XRCC4: variants seen among roughly 807,000 people sequenced by gnomAD.
XRCC4 encodes X-ray repair cross complementing 4.
A neutral mutation model predicts 39.1 loss-of-function variants in XRCC4; 28 were observed. The ratio of observed to expected loss-of-function variants is 0.72; its 90% CI spans 0.53 to 0.98. The LOEUF is 0.98. Among genes scored for constraint, XRCC4 ranks in the 50% least tolerant of loss-of-function variants. The pLI is 0.00. For missense variants in XRCC4, 350 were observed against 376.4 expected, an observed-to-expected ratio of 0.93 and a Z score of 0.58; for synonymous variants, 123 against 126.4, an observed-to-expected ratio of 0.97 and a Z score of 0.18.
chr5:83,219,126 C>G (rs1751984950), intron 6 of XRCC4, among the ~76,000 whole-genome samples: 1 of 152,064 alleles, frequency 6.6e-6, no homozygotes, highest in African/African-American at 2.4e-5. Flanking sequence ...AATTTTCTTC[C>G]TTCTATACCT....
intron 1 of XRCC4, among the ~76,000 whole-genome samples, chr5:83,081,581 A>G (rs981594026): frequency 6.6e-6 from 1 of 152,234 alleles, no homozygotes; most frequent in Non-Finnish European, 1.5e-5. Context: ...AATCTCCTTG[A>G]CTAAAATAAC....
chr5:83,151,715 T>C (rs1748713067), intron 3 of XRCC4, among the ~76,000 whole-genome samples: 1 of 152,206 alleles, frequency 6.6e-6, no homozygotes, highest in Admixed American at 6.5e-5. Flanking sequence ...ATGTTCTGTG[T>C]GCACTAATAT....
intron 7 of XRCC4, among the ~76,000 whole-genome samples, chr5:83,331,831 A>C (rs1330826402): frequency 6.6e-6 from 1 of 152,136 alleles, no homozygotes; most frequent in African/African-American, 2.4e-5. Flanking sequence ...AAAAAATAAA[A>C]TAATCGCTTC....
chr5:83,229,949 A>T, intron 6 of XRCC4, among the ~76,000 whole-genome samples: 1 of 151,952 alleles, frequency 6.6e-6, no homozygotes, highest in East Asian at 1.9e-4. Context: ...GTGCTTCTAT[A>T]CTAGAATTAA....
intron 3 of XRCC4, among the ~76,000 whole-genome samples, chr5:83,188,622 G>A (rs913547793): frequency 3.3e-5 from 5 of 152,062 alleles, no homozygotes; most frequent in African/African-American, 4.8e-5. Context: ...TTCCAATCAC[G>A]GCAGAAGATG....
intron 1 of XRCC4, among the ~76,000 whole-genome samples, chr5:83,099,954 T>C (rs1745852141): frequency 6.6e-6 from 1 of 152,190 alleles, no homozygotes; most frequent in South Asian, 2.1e-4. Context: ...CAAGTCATCT[T>C]TTTTTCTGTT....
intron 5 of XRCC4, 92 bp downstream of exon 5, chr5:83,203,799 G>T: frequency 6.9e-7 from 1 of 1,439,954 alleles, no homozygotes. Context: ...CCAACTTTTT[G>T]ATCATATGAG....
intron 1 of XRCC4, among the ~76,000 whole-genome samples, chr5:83,091,239 G>T (rs1745411509): frequency 1.3e-5 from 2 of 152,162 alleles, no homozygotes; most frequent in African/African-American, 4.8e-5. Flanking sequence ...AGTTCTGCAT[G>T]GCTGTGGAGG....
At chr5:83,199,141 C>G (rs1751070624) in intron 4 of XRCC4, among the ~76,000 whole-genome samples, 1 of 152,268 alleles carries the variant, frequency 6.6e-6, no homozygotes, top group South Asian at 2.1e-4. Flanking sequence ...CATCTCTCTG[C>G]CTTCAAGATA....
chr5:83,294,203 A>G (rs1488368986), intron 7 of XRCC4, among the ~76,000 whole-genome samples: 2 of 152,044 alleles, frequency 1.3e-5, no homozygotes, highest in African/African-American at 2.4e-5. Context: ...AACCAGTGGC[A>G]TGTATTTGTA....
intron 4 of XRCC4, among the ~76,000 whole-genome samples, chr5:83,200,911 T>TTATTC (rs1751162645): frequency 6.6e-6 from 1 of 152,180 alleles, no homozygotes; most frequent in Admixed American, 6.5e-5. Context: ...AATATAAATG[T>TTATTC]AGTGACATGT....
At chr5:83,094,524 G>A (rs1001047325) in intron 1 of XRCC4, among the ~76,000 whole-genome samples, 24 of 151,254 alleles carry the variant, frequency 1.6e-4, no homozygotes, top group African/African-American at 5.8e-4. Context: ...CAAGGCAGCT[G>A]TTCAAGCTTC....
intron 3 of XRCC4, among the ~76,000 whole-genome samples, chr5:83,178,745 G>A (rs2112643534): frequency 6.6e-6 from 1 of 152,278 alleles, no homozygotes; most frequent in South Asian, 2.1e-4. Context: ...ATTAGAGTTT[G>A]CAAATGCTGG....
chr5:83,149,596 A>G (rs1314004109), intron 3 of XRCC4, among the ~76,000 whole-genome samples: 1 of 152,154 alleles, frequency 6.6e-6, no homozygotes, highest in Non-Finnish European at 1.5e-5. Flanking sequence ...GTGTGATTCA[A>G]TATTTTGAAA....
chr5:83,307,775 A>T (rs577402511), intron 7 of XRCC4, among the ~76,000 whole-genome samples: 32 of 152,342 alleles, frequency 2.1e-4, no homozygotes, highest in African/African-American at 7.7e-4. Flanking sequence ...AGAGAACTGG[A>T]AAAGTAAGGT....
At chr5:83,164,404 A>G (rs946911899) in intron 3 of XRCC4, among the ~76,000 whole-genome samples, 8 of 152,170 alleles carry the variant, frequency 5.3e-5, no homozygotes, top group African/African-American at 1.7e-4. Flanking sequence ...TAAAATCAAA[A>G]ACAACAAATT....
intron 7 of XRCC4, among the ~76,000 whole-genome samples, chr5:83,301,605 T>C (rs982828292): frequency 1.7e-4 from 26 of 152,214 alleles, no homozygotes; most frequent in African/African-American, 6.3e-4. Context: ...AATTTTGGCT[T>C]TTGTTGCAAT....
chr5:83,227,953 A>G (rs1429304720), intron 6 of XRCC4, among the ~76,000 whole-genome samples: 1 of 151,988 alleles, frequency 6.6e-6, no homozygotes, highest in East Asian at 1.9e-4. Context: ...CCTTAGACAA[A>G]TGAAGGTGTC....
Position 83,258,536 on chromosome 5 carries a change from T to A in XRCC4, c.752T>A (p.Val251Glu). The A allele has an allele frequency of 6.2e-7, 1 of 1,605,656 alleles. No individual in the cohort carries two copies. The highest frequency in any genetic ancestry group is 1.1e-5 in the South Asian group (1 of 88,960). The change falls in exon 7 of 8, where the codon GTA (valine) becomes GAA (glutamate). Residue 251 changes from valine (V) to glutamate (E), a missense_variant. Physicochemically the swap from Val to Glu is moderately radical, Grantham distance 121. Coordinates refer to ENST00000396027, the MANE Select transcript of XRCC4 (RefSeq NM_003401.5). ...TCATCTCATTTTATTTCAGCTGCTG[T>A]AAGTAAAGATGATTCCATTATTTCA... is the stretch of plus-strand genomic sequence containing the variant. ...TDLSGLASAA[V>E]SKDDSIISSL... is the part of the protein sequence containing the mutation.
Sources: gnomAD v4.1 joint callset for allele counts (sites outside exome capture counted in the v4.1 genomes callset) on GRCh38, gnomAD v4.1.1 for gene constraint, MANE v1.5 for transcripts, NCBI Gene and HGNC (gene_info 2026-07-23, HGNC 2026-07-21) for gene names.